UBA2: variants seen among roughly 807,000 people sequenced by gnomAD.
The protein encoded by UBA2 is ubiquitin like modifier activating enzyme 2.
In UBA2, 11 loss-of-function variants were observed where a neutral mutation model predicts 77.2. That is an observed-to-expected ratio of 0.14 (90% CI 0.09 to 0.24). UBA2 has a LOEUF of 0.24. UBA2 is among the 10% of genes least tolerant of loss of function. The pLI is 1.00. For synonymous variants in UBA2, 278 were observed against 276.7 expected, an observed-to-expected ratio of 1.00 and a Z score of -0.05; for missense variants, 487 against 781.7, an observed-to-expected ratio of 0.62 and a Z score of 4.50.
intron 6 of UBA2, among the ~76,000 whole-genome samples, chr19:34,439,873 G>C (rs1477749389): frequency 6.6e-6 from 1 of 151,766 alleles, no homozygotes; most frequent in Non-Finnish European, 1.5e-5. Context: ...ATTGAAGTAA[G>C]AGCACATTTG....
chr19:34,428,947 T>G (rs2965279), intron 1 of UBA2: 847,332 of 987,548 alleles, frequency 0.86, 366,603 homozygotes, highest in Non-Finnish European at 0.88. Context: ...ACTTTAATTT[T>G]GAGGTCCCTG....
chr19:34,438,716 C>T lies in UBA2; in HGVS notation c.531C>T (p.Asn177=), dbSNP rs1303210918. 1.2e-6 allele frequency: 2 copies of T among 1,614,106 alleles called. No individual in the cohort carries two copies. The highest frequency in any genetic ancestry group is 1.7e-6 in the Non-Finnish European group (2 of 1,180,016). ...CCTTTCCTGGCTGTACAATTCGTAA[C>T]ACACCTTCAGAACCTATACATTGCA... ...QRTFPGCTIR[N]TPSEPIHCIV... The change falls in exon 6 of 17, where the codon AAC becomes AAT. Residue 177 remains asparagine, a synonymous_variant. Transcript: ENST00000246548.
chr19:34,450,245 ATCTG>A lies in UBA2; in HGVS notation c.772-16_772-13del, dbSNP rs750698484. The stretch of plus-strand genomic sequence containing the variant: ...AATTAGGGATTATGGGGTTCATGGG[ATCTG>A]TCTTTCTTTTGTAAGCTTTTTAAAG... On this transcript the variant is annotated splice_polypyrimidine_tract_variant and intron_variant, in intron 8 of 16. Transcript: ENST00000246548. 2.7e-5 allele frequency: 42 copies of A among 1,559,594 alleles called. No individual in the cohort carries two copies. Among genetic ancestry groups the A allele is most frequent in the Non-Finnish European group, 3.4e-5 (39 of 1,135,726 alleles).
At position 34,466,086 on chromosome 19, in the gene UBA2, A is replaced by AG. The variant is rs778384280; in HGVS notation, c.1605-791dup. ...CGTGACGGCTCACACCTGTAATCCC[A>AG]GCACTTTGGGAGGCTGAGGCGGGCG... On this transcript the variant is annotated intron_variant, in intron 15 of 16. Coordinates refer to ENST00000246548, the MANE Select transcript of UBA2 (RefSeq NM_005499.3). 2.0e-4 allele frequency among the ~76,000 whole-genome samples: 30 copies of AG among 152,300 alleles called. 2 individuals are homozygous for AG. In the East Asian group the frequency reaches 2.7e-3, roughly 14 times the overall value.
chr19:34,453,270 T>C (rs1244850591), intron 10 of UBA2, among the ~76,000 whole-genome samples: 2 of 152,230 alleles, frequency 1.3e-5, no homozygotes, highest in East Asian at 3.9e-4. Flanking sequence ...TTTTTTCTTC[T>C]GTTCTGTGAT....
chr19:34,459,048 G>T, intron 13 of UBA2, 124 bp downstream of exon 13: 7 of 1,072,150 alleles, frequency 6.5e-6, no homozygotes, highest in Non-Finnish European at 9.0e-6. Context: ...GATTTCCTGG[G>T]TTATTTTGCC....
At position 34,454,487 on chromosome 19, in the gene UBA2, A is replaced by G. The variant is rs1241979968; in HGVS notation, c.1176A>G (p.Ala392=). The change falls in exon 12 of 17, where the codon GCA becomes GCG. Residue 392 remains alanine (A), a synonymous_variant. Transcript: ENST00000246548. The part of the protein sequence containing the change: ...NIIPAIATTN[A]VIAGLIVLEG... ...TTCCTGCTATTGCTACTACTAATGC[A>G]GTAATTGCTGGGTTGATAGTATTGG... 5 of 1,610,792 alleles carry G rather than the reference A, an allele frequency of 3.1e-6. No homozygotes were observed. The highest frequency in any genetic ancestry group is 3.4e-6 in the Non-Finnish European group (4 of 1,178,782).
chr19:34,450,404 A>G, intron 9 of UBA2, 40 bp downstream of exon 9: 2 of 1,422,770 alleles, frequency 1.4e-6, no homozygotes, highest in East Asian at 2.3e-5. Context: ...CTAAGCTGGA[A>G]ATATCCTCGC....
chr19:34,453,130 C>T (rs569674803), intron 10 of UBA2, among the ~76,000 whole-genome samples: 2 of 152,298 alleles, frequency 1.3e-5, no homozygotes, highest in African/African-American at 4.8e-5. Flanking sequence ...TCTTAGTCCT[C>T]ACCACACCTT....
intron 15 of UBA2, among the ~76,000 whole-genome samples, chr19:34,466,045 C>G (rs2075683945): frequency 6.6e-6 from 1 of 151,964 alleles, no homozygotes; most frequent in Non-Finnish European, 1.5e-5. Flanking sequence ...TAGTTAAGAT[C>G]ACATTGTAGG....
intron 5 of UBA2, 53 bp from the exon 6 acceptor site, chr19:34,438,592 T>C: frequency 6.2e-7 from 1 of 1,604,630 alleles, no homozygotes. Context: ...TACCTTATAA[T>C]GTTGAGAAAC....
At position 34,446,613 on chromosome 19, in the gene UBA2, T is replaced by C. The variant is rs940549142; in HGVS notation, c.771+1492T>C. ...ACATGTTGACTTTTTTTTTTCTTTC[T>C]TTTTTTTTTTTTTTGAGAGAGAATC... On this transcript the variant is annotated intron_variant, in intron 8 of 16. Transcript: ENST00000246548. Among the ~76,000 whole-genome samples, 10 of 20,318 alleles carry C rather than the reference T, an allele frequency of 4.9e-4. 1 individual carries two copies. The highest frequency in any genetic ancestry group is 4.7e-3 in the Admixed American group (6 of 1,290). The allele number at this position is 20,318 out of a possible 152,430, so 13.3% of individuals were successfully genotyped here.
intron 1 of UBA2, 144 bp downstream of exon 1, chr19:34,428,714 G>C (rs1364134102): frequency 8.5e-7 from 1 of 1,173,486 alleles, no homozygotes; most frequent in African/African-American, 1.6e-5. Flanking sequence ...GAGAGGCTCG[G>C]GTTGTGCCCC....
At chr19:34,430,526 T>G in intron 1 of UBA2, 50 bp from the exon 2 acceptor site, 2 of 1,433,276 alleles carry the variant, frequency 1.4e-6, no homozygotes, top group Non-Finnish European at 2.0e-6. Context: ...GTGATACAGC[T>G]CAAACATACG....
At chr19:34,463,050 TGG>T (rs2075648945) in intron 14 of UBA2, among the ~76,000 whole-genome samples, 1 of 150,886 alleles carries the variant, frequency 6.6e-6, no homozygotes, top group Non-Finnish European at 1.5e-5. Flanking sequence ...TGAGCCAAGA[TGG>T]TGCCACTGCA....
intron 5 of UBA2, among the ~76,000 whole-genome samples, chr19:34,436,546 G>T (rs185316609): frequency 1.3e-5 from 2 of 152,152 alleles, no homozygotes; most frequent in Non-Finnish European, 2.9e-5. Flanking sequence ...TGATCCACCT[G>T]CCTCGGCCTC....
At chr19:34,458,476 C>T (rs1044613769) in intron 12 of UBA2, among the ~76,000 whole-genome samples, 3 of 135,284 alleles carry the variant, frequency 2.2e-5, no homozygotes, top group African/African-American at 2.8e-5. Context: ...AGGAGAATGG[C>T]GTGAACCCCA....
intron 12 of UBA2, among the ~76,000 whole-genome samples, chr19:34,455,642 C>T (rs2075550045): frequency 6.6e-6 from 1 of 152,164 alleles, no homozygotes; most frequent in African/African-American, 2.4e-5. Flanking sequence ...TTGATGCACA[C>T]TTACTTTTTT....
At chr19:34,432,702 C>A (rs762546881) in intron 3 of UBA2, among the ~76,000 whole-genome samples, 9 of 152,074 alleles carry the variant, frequency 5.9e-5, no homozygotes, top group Non-Finnish European at 5.9e-5. Context: ...GGATTACAGG[C>A]GCACGCCACC....
Sources: allele counts gnomAD v4.1 joint callset (sites outside exome capture counted in the v4.1 genomes callset), GRCh38; gene constraint gnomAD v4.1.1; transcripts MANE v1.5; gene names NCBI Gene and HGNC (gene_info 2026-07-23, HGNC 2026-07-21).